The following USH2A variants were observed in gnomAD, a reference collection of about 807,000 sequenced individuals.
The protein encoded by USH2A is usherin, also known as Usher syndrome 2A (autosomal recessive, mild).
In USH2A, 443 loss-of-function variants were observed where a neutral mutation model predicts 538.9. The ratio of observed to expected loss-of-function variants is 0.82; its 90% CI spans 0.76 to 0.89. USH2A has a LOEUF of 0.89. Ranked by LOEUF, USH2A falls within the 40% of genes least tolerant of loss-of-function variation. USH2A has a pLI of 0.00. For missense variants in USH2A, 6,633 were observed against 6,324.8 expected (o/e 1.05, Z -1.65); for synonymous variants, 2,413 against 2,273.5 (o/e 1.06, Z -1.75).
chr1:216,038,530 A>G (rs996258372), intron 32 of USH2A, among the ~76,000 whole-genome samples: 26 of 152,014 alleles, frequency 1.7e-4, no homozygotes, highest in Admixed American at 1.2e-3. Context: ...TGAGTACAAA[A>G]TTAGCAAAAT....
At chr1:215,630,048 T>C (rs1558029105) in intron 70 of USH2A, 2 of 504,676 alleles carry the variant, frequency 4.0e-6, no homozygotes, top group Non-Finnish European at 7.9e-6. Flanking sequence ...TCTTTTCTTT[T>C]TTCAGTAGAG....
At chr1:215,976,128 G>T (rs1472913122) in intron 35 of USH2A, among the ~76,000 whole-genome samples, 1 of 152,102 alleles carries the variant, frequency 6.6e-6, no homozygotes, top group African/African-American at 2.4e-5. Context: ...CATTATTGGT[G>T]TATAGAAATG....
At chr1:215,766,649 C>G in intron 56 of USH2A, 32 bp downstream of exon 56, 33 of 1,577,532 alleles carry the variant, frequency 2.1e-5, no homozygotes, top group African/African-American at 2.7e-5. Context: ...GTGAAAATTT[C>G]TTCCCTCAAA....
chr1:215,847,443 G>A (rs528408720), intron 44 of USH2A, among the ~76,000 whole-genome samples: 1 of 151,896 alleles, frequency 6.6e-6, no homozygotes, highest in African/African-American at 2.4e-5. Context: ...TCAGGAGTTC[G>A]AGACCAGCCT....
intron 61 of USH2A, among the ~76,000 whole-genome samples, chr1:215,709,663 A>C (rs1411825072): frequency 6.6e-6 from 1 of 151,828 alleles, no homozygotes; most frequent in Non-Finnish European, 1.5e-5. Flanking sequence ...AAAAAAAAAA[A>C]AAAAAAACTC....
At chr1:215,984,971 T>G (rs1480155832) in intron 35 of USH2A, among the ~76,000 whole-genome samples, 1 of 152,188 alleles carries the variant, frequency 6.6e-6, no homozygotes, top group East Asian at 1.9e-4. Flanking sequence ...TATGCTCTCC[T>G]AAAAATGGAA....
intron 32 of USH2A, among the ~76,000 whole-genome samples, chr1:216,042,775 G>A (rs937893323): frequency 6.6e-6 from 1 of 151,950 alleles, no homozygotes; most frequent in African/African-American, 2.4e-5. Flanking sequence ...AAATATAAAT[G>A]ACCTGAACTT....
intron 9 of USH2A, among the ~76,000 whole-genome samples, chr1:216,301,242 T>C (rs2037211625): frequency 6.6e-6 from 1 of 152,148 alleles, no homozygotes; most frequent in Non-Finnish European, 1.5e-5. Flanking sequence ...GACAAAGATA[T>C]ATGAAGTCCT....
At chr1:216,228,407 G>A (rs1470946132) in intron 14 of USH2A, among the ~76,000 whole-genome samples, 1 of 152,092 alleles carries the variant, frequency 6.6e-6, no homozygotes, top group Non-Finnish European at 1.5e-5. Context: ...GTTTGGCTGT[G>A]TCCCCACCCA....
intron 36 of USH2A, among the ~76,000 whole-genome samples, chr1:215,966,594 G>A (rs1449291863): frequency 2.6e-5 from 4 of 152,138 alleles, no homozygotes; most frequent in Admixed American, 2.0e-4. Context: ...GTCACAACAT[G>A]TTTTATTTTC....
rs765293412 is a variant in USH2A, at chr1:216,250,931, G to C, written c.2139C>G (p.Gly713=). 2 of 1,613,862 alleles carry C rather than the reference G, an allele frequency of 1.2e-6. No homozygotes were observed. The highest frequency in any genetic ancestry group is 2.7e-5 in the African/African-American group (2 of 74,890). Residue 713 remains glycine (G), a synonymous_variant, in exon 12 of 72, where the codon GGC becomes GGG. Transcript: ENST00000307340. ...DGDITCHQNS[G]QCKCKANVIG... ...TAACGTTTGCTTTGCACTTGCACTG[G>C]CCTGAATTTTGGTGACAGGTAATAT...
At chr1:215,789,088 G>A (rs1471037224) in intron 51 of USH2A, among the ~76,000 whole-genome samples, 2 of 152,090 alleles carry the variant, frequency 1.3e-5, no homozygotes, top group Admixed American at 6.5e-5. Context: ...GTCTCCAGGT[G>A]GTAGGTCTTC....
At chr1:215,973,293 T>C (rs979415163) in intron 35 of USH2A, among the ~76,000 whole-genome samples, 2 of 152,148 alleles carry the variant, frequency 1.3e-5, no homozygotes, top group African/African-American at 4.8e-5. Flanking sequence ...ATGAGATATT[T>C]TATAGAAGTT....
chr1:215,991,403 C>T (rs1410228172), intron 35 of USH2A, among the ~76,000 whole-genome samples: 1 of 151,998 alleles, frequency 6.6e-6, no homozygotes, highest in East Asian at 1.9e-4. Flanking sequence ...GATTATCCCT[C>T]TCTAGACAAT....
intron 35 of USH2A, among the ~76,000 whole-genome samples, chr1:215,975,224 T>C (rs1315293876): frequency 6.6e-6 from 1 of 152,206 alleles, no homozygotes; most frequent in African/African-American, 2.4e-5. Context: ...TTCTGGATAT[T>C]TGACCTTTGT....
In USH2A at chr1:215,634,653, TG is replaced by T. The variant is rs758463028; in HGVS notation, c.15102del (p.Ser5034ArgfsTer11). On this transcript the variant is annotated frameshift_variant, in exon 70 of 72. Transcript: ENST00000307340. LOFTEE classifies it high-confidence loss of function. ...PGKKKGSRSK[S>X]TEFYSELWFI... ...AACCACAGCTCGCTGTAGAACTCTG[TG>T]CTTTTGCTCCGCGATCCCTTCTTTT... 1 of 1,614,244 alleles carries T rather than the reference TG, an allele frequency of 6.2e-7. No homozygotes were observed. The highest frequency in any genetic ancestry group is 8.5e-7 in the Non-Finnish European group (1 of 1,180,040).
At chr1:215,826,301 C>A (rs1486068110) in intron 47 of USH2A, among the ~76,000 whole-genome samples, 2 of 152,158 alleles carry the variant, frequency 1.3e-5, no homozygotes, top group Non-Finnish European at 2.9e-5. Context: ...CTATAAAGGG[C>A]AACACTCGTG....
chr1:216,361,772 C>A (rs1251050609), intron 4 of USH2A, among the ~76,000 whole-genome samples: 1 of 152,116 alleles, frequency 6.6e-6, no homozygotes, highest in East Asian at 1.9e-4. Context: ...TGTTGGGACA[C>A]CCACTTTGGA....
intron 11 of USH2A, among the ~76,000 whole-genome samples, chr1:216,267,809 G>A (rs1050169076): frequency 6.6e-6 from 1 of 151,986 alleles, no homozygotes; most frequent in African/African-American, 2.4e-5. Context: ...CTCCCCAAGG[G>A]CCAGAACCTT....
Sources: gnomAD v4.1 joint callset for allele counts (sites outside exome capture counted in the v4.1 genomes callset) on GRCh38, gnomAD v4.1.1 for gene constraint, MANE v1.5 for transcripts, NCBI Gene and HGNC (gene_info 2026-07-23, HGNC 2026-07-21) for gene names.